The following CEP89 variants were observed in gnomAD, a reference collection of about 807,000 sequenced individuals.
CEP89 encodes the protein centrosomal protein 89.
In CEP89, 95 loss-of-function variants were observed where a neutral mutation model predicts 97.6. The observed-to-expected ratio is 0.97, with a 90% confidence interval of 0.82 to 1.15. CEP89 has a LOEUF of 1.15. Among genes scored for constraint, CEP89 ranks in the 50% most tolerant of loss-of-function variants. The probability of loss-of-function intolerance (pLI) is 0.00; values close to 1 mark genes in which losing one functional copy is unlikely to be tolerated. For synonymous variants in CEP89, 354 were observed against 349.1 expected (o/e 1.01, Z -0.16); for missense variants, 869 against 947.7 (o/e 0.92, Z 1.09).
intron 14 of CEP89, among the ~76,000 whole-genome samples, chr19:32,913,348 A>G (rs2145904581): frequency 6.7e-6 from 1 of 149,844 alleles, no homozygotes; most frequent in South Asian, 2.1e-4. Flanking sequence ...TTGTTTCACA[A>G]TGTTGCCCAG....
intron 17 of CEP89, among the ~76,000 whole-genome samples, chr19:32,884,470 AT>A (rs1730598807): frequency 6.6e-6 from 1 of 152,054 alleles, no homozygotes; most frequent in African/African-American, 2.4e-5. Flanking sequence ...CAATTTTGTT[AT>A]TTTATGTTTG....
rs746204980 is a variant in CEP89, at chr19:32,923,459, A to G, written c.1248T>C (p.Ser416=). The G allele has an allele frequency of 5.0e-6, 8 of 1,602,096 alleles. No homozygotes were observed. The highest frequency in any genetic ancestry group is 2.2e-5 in the East Asian group (1 of 44,750). ...EELHQELNKS[S]AVTSEEWRQL... is the part of the protein sequence containing the mutation. ...CTTGCCATTCCTCACTGGTAACAGC[A>G]CTACTCTTATTTAACTCTTGGTGCA... The change falls in exon 12 of 19, where the codon AGT becomes AGC. Residue 416 remains serine, a synonymous_variant. Coordinates refer to ENST00000305768, the MANE Select transcript of CEP89 (RefSeq NM_032816.5).
intron 11 of CEP89, among the ~76,000 whole-genome samples, chr19:32,925,841 C>T (rs73051165): frequency 0.14 from 21,591 of 152,012 alleles, 1,937 homozygotes; most frequent in Non-Finnish European, 0.21. Flanking sequence ...AGGAAAGAAG[C>T]ACTTCCCCCC....
At chr19:32,931,366 A>C (rs1316753002) in intron 9 of CEP89, 63 bp downstream of exon 9, 4 of 1,404,912 alleles carry the variant, frequency 2.8e-6, no homozygotes, top group Middle Eastern at 1.8e-4. Context: ...CAAGATTGGA[A>C]ATCAATTCAA....
In CEP89 at chr19:32,959,884, G is replaced by GA; in HGVS notation, c.305+15_305+16insT. 1 of 1,613,518 alleles carries GA rather than the reference G, an allele frequency of 6.2e-7. No homozygotes were observed. The highest frequency in any genetic ancestry group is 8.5e-7 in the Non-Finnish European group (1 of 1,179,514). ...TCCACTCTCAGAGGAAGCAGAGGCG[G>GA]CGATCTGGTACCTACCGAGGCCTCA... On this transcript the variant is annotated intron_variant, in intron 3 of 18. Coordinates refer to ENST00000305768, the MANE Select transcript of CEP89 (RefSeq NM_032816.5).
At chr19:32,928,092 T>C (rs543915521) in intron 9 of CEP89, among the ~76,000 whole-genome samples, 15 of 151,808 alleles carry the variant, frequency 9.9e-5, no homozygotes, top group African/African-American at 3.6e-4. Flanking sequence ...ATTTTTGTAT[T>C]TTTAGTAGAG....
At chr19:32,900,886 G>GTTTTTT (rs757470989) in intron 15 of CEP89, among the ~76,000 whole-genome samples, 5 of 117,776 alleles carry the variant, frequency 4.2e-5, no homozygotes, top group Admixed American at 8.6e-5. Context: ...TTCTTCATTT[G>GTTTTTT]TCTTTTTTTT....
intron 7 of CEP89, among the ~76,000 whole-genome samples, chr19:32,934,256 G>A (rs1970535407): frequency 1.3e-5 from 2 of 152,270 alleles, no homozygotes; most frequent in South Asian, 2.1e-4. Context: ...GATGAGGAGA[G>A]GCAGGCTTGG....
chr19:32,939,263 T>A (rs1970638283), intron 6 of CEP89, among the ~76,000 whole-genome samples: 1 of 152,010 alleles, frequency 6.6e-6, no homozygotes, highest in African/African-American at 2.4e-5. Context: ...AAAATAATTT[T>A]AACAAAAGAT....
chr19:32,940,962 C>T (rs1050310946), intron 5 of CEP89, among the ~76,000 whole-genome samples: 2 of 151,958 alleles, frequency 1.3e-5, no homozygotes, highest in Non-Finnish European at 2.9e-5. Flanking sequence ...GGTTCCCCCA[C>T]GTTGGCCAGG....
In CEP89 at chr19:32,881,915, C is replaced by T. The variant is rs1969290812; in HGVS notation, c.2064G>A (p.Gln688=). The change falls in exon 18 of 19, where the codon CAG becomes CAA. Residue 688 remains glutamine (Q), a synonymous_variant. Coordinates refer to ENST00000305768, the MANE Select transcript of CEP89 (RefSeq NM_032816.5). ...DFAGKTAQYR[Q]EMRHLHQVLK... ...GCACCTGGTGCAGGTGCCGCATCTC[C>T]TGCCGGTACTGGGCTGTCTTGCCGG... is the stretch of plus-strand genomic sequence containing the variant. 13 of 1,605,578 alleles carry T rather than the reference C, an allele frequency of 8.1e-6. No homozygotes were observed. Among genetic ancestry groups the T allele is most frequent in the Non-Finnish European group, 1.1e-5 (13 of 1,177,668 alleles).
intron 14 of CEP89, among the ~76,000 whole-genome samples, chr19:32,906,799 A>G (rs61395248): frequency 0.3 from 45,924 of 151,018 alleles, 7,354 homozygotes; most frequent in Admixed American, 0.4. Flanking sequence ...CTTTAAGAGT[A>G]AGAATTCTTA....
intron 14 of CEP89, among the ~76,000 whole-genome samples, chr19:32,914,895 C>T (rs1970087958): frequency 6.6e-6 from 1 of 151,790 alleles, no homozygotes; most frequent in Non-Finnish European, 1.5e-5. Flanking sequence ...GGTGAGCCGC[C>T]CCTGTAATCC....
At chr19:32,928,589 C>T (rs1286698203) in intron 9 of CEP89, among the ~76,000 whole-genome samples, 1 of 152,120 alleles carries the variant, frequency 6.6e-6, no homozygotes, top group East Asian at 1.9e-4. Flanking sequence ...GTTCCCGGTG[C>T]TGTGTGAGCT....
intron 17 of CEP89, among the ~76,000 whole-genome samples, chr19:32,887,531 T>TAA (rs1031548724): frequency 1.3e-5 from 2 of 152,158 alleles, no homozygotes; most frequent in African/African-American, 4.8e-5. Flanking sequence ...TATCCTTTTT[T>TAA]CTTAAACAGC....
rs555467936 is a variant in CEP89 at position 32,880,185 on chromosome 19, C to T, written c.2136-807G>A. Among the ~76,000 whole-genome samples, 3 of 152,312 alleles carry T rather than the reference C, an allele frequency of 2.0e-5. No homozygotes were observed. The South Asian group carries it at 6.2e-4, about 32-fold the overall frequency. On this transcript the variant is annotated intron_variant, in intron 18 of 18. Transcript: ENST00000305768. ...CACCTCACAAGGTGCTTAGCCCCATCGGGGAGCATGGCCAGGCTGGAGAGG... is the reference window on the plus strand; with the variant it reads ...CACCTCACAAGGTGCTTAGCCCCATTGGGGAGCATGGCCAGGCTGGAGAGG...
intron 14 of CEP89, among the ~76,000 whole-genome samples, chr19:32,907,653 T>C (rs1490784722): frequency 2.6e-5 from 4 of 152,190 alleles, no homozygotes; most frequent in African/African-American, 7.2e-5. Flanking sequence ...CGTTTCACCA[T>C]GTTGGTCAGG....
chr19:32,928,451 C>A (rs551057500), intron 9 of CEP89, among the ~76,000 whole-genome samples: 6 of 151,958 alleles, frequency 3.9e-5, no homozygotes, highest in Non-Finnish European at 8.8e-5. Flanking sequence ...TGTTTTTTCA[C>A]CCTGGTCATG....
chr19:32,893,413 TAGAC>T (rs1382589476), intron 16 of CEP89, among the ~76,000 whole-genome samples: 2 of 152,140 alleles, frequency 1.3e-5, no homozygotes, highest in Non-Finnish European at 2.9e-5. Flanking sequence ...AAAGGGGAGA[TAGAC>T]TACAATACAA....
Sources: allele counts gnomAD v4.1 joint callset (sites outside exome capture counted in the v4.1 genomes callset), GRCh38; gene constraint gnomAD v4.1.1; transcripts MANE v1.5; gene names NCBI Gene and HGNC (gene_info 2026-07-23, HGNC 2026-07-21).